Variants in VWDE observed in about 807,000 individuals in gnomAD.
VWDE encodes the protein von Willebrand factor D and EGF domain-containing protein.
A neutral mutation model predicts 178.4 loss-of-function variants in VWDE; 207 were observed. The observed-to-expected ratio is 1.16, with a 90% CI of 1.04 to 1.30. The LOEUF is 1.30. Ranked by LOEUF, VWDE falls within the 50% of genes most tolerant of loss-of-function variation. The pLI is 0.00. For missense variants in VWDE, 2,287 were observed against 1,901.3 expected, an observed-to-expected ratio of 1.20 and a Z score of -3.77; for synonymous variants, 738 against 651.4, an observed-to-expected ratio of 1.13 and a Z score of -2.02.
chr7:12,337,799 TAAG>T (rs1410260125), intron 24 of VWDE, among the ~76,000 whole-genome samples: 1 of 152,190 alleles, frequency 6.6e-6, no homozygotes, highest in African/African-American at 2.4e-5. Flanking sequence ...TTGGTTTTGT[TAAG>T]AATATTTGTT....
Position 12,359,494 on chromosome 7 carries a change from A to C in VWDE, c.3274+84T>G, listed in dbSNP as rs1782452467. 19 of 888,036 alleles carry C rather than the reference A, an allele frequency of 2.1e-5. No individual in the cohort carries two copies. In the South Asian group the frequency reaches 3.3e-4, roughly 15 times the overall value. The allele number at this position is 888,036 out of a possible 1,614,324, so 55.0% of individuals were successfully genotyped here. ...TTAAACACAGAGGTCATTCATCTTA[A>C]ACACATTTACGTAACTTCTGGCTGA... On this transcript the variant is annotated intron_variant, in intron 16 of 28. Coordinates refer to ENST00000275358, the MANE Select transcript of VWDE (RefSeq NM_001135924.3).
At chr7:12,358,263 A>G (rs1782373906) in intron 16 of VWDE, among the ~76,000 whole-genome samples, 1 of 151,838 alleles carries the variant, frequency 6.6e-6, no homozygotes, top group Admixed American at 6.6e-5. Context: ...AATTCCAGCT[A>G]CTTGGGAGGC....
intron 3 of VWDE, chr7:12,388,797 C>A: frequency 4.9e-6 from 2 of 406,148 alleles, no homozygotes; most frequent in Non-Finnish European, 4.8e-6. Context: ...TTTATGATAA[C>A]TTTTACTCAC....
intron 19 of VWDE, among the ~76,000 whole-genome samples, chr7:12,348,958 C>T (rs1017791930): frequency 1.7e-4 from 26 of 151,976 alleles, no homozygotes; most frequent in African/African-American, 6.0e-4. Flanking sequence ...TCATCATTCT[C>T]AGTAAACTAT....
At chr7:12,344,590 C>A in intron 19 of VWDE, 121 bp from the exon 20 acceptor site, 1 of 706,826 alleles carries the variant, frequency 1.4e-6, no homozygotes. Flanking sequence ...AATAGTCCCT[C>A]TAGATAATAC....
rs778312104 is a variant in VWDE at position 12,361,175 on chromosome 7, A to G, written c.3131T>C (p.Leu1044Pro). Residue 1044 changes from leucine (L) to proline (P), a missense_variant, in exon 15 of 29, where the codon CTC (leucine) becomes CCC (proline). Leu to Pro is a moderately conservative substitution (Grantham distance 98). Transcript: ENST00000275358. ...TATAGTACATGAGTCATTTTTATAG[A>G]GACCACAAACTTGGCAAGCACCATC... The part of the protein sequence containing the change: ...IYDGACQVCG[L>P]YKNDSCTIKE... The G allele has an allele frequency of 1.1e-4, 164 of 1,544,252 alleles. No homozygotes were observed. The South Asian group carries it at 1.8e-3, about 17-fold the overall frequency.
chr7:12,332,788 G>A (rs114440810), intron 28 of VWDE, among the ~76,000 whole-genome samples: 2,835 of 152,174 alleles, frequency 0.019, 82 homozygotes, highest in African/African-American at 0.064. Flanking sequence ...AAGCCAAATT[G>A]ATCCATATCA....
In VWDE at chr7:12,369,675, A is replaced by G. The variant is rs988976521; in HGVS notation, c.2631T>C (p.Tyr877=). 14 of 1,551,622 alleles carry G rather than the reference A, an allele frequency of 9.0e-6. No homozygotes were observed. In the African/African-American group the frequency reaches 1.8e-4, roughly 20 times the overall value. The change falls in exon 12 of 29, where the codon TAT becomes TAC. Residue 877 remains tyrosine, a synonymous_variant. Transcript: ENST00000275358. ...AGAGAATGTCTTCAATTGATGTGCC[A>G]TACTCTTCTGTGTTATATTTCCCCT... ...VEEGKYNTEE[Y]GTSIEDILSV...
At chr7:12,397,185 A>T (rs1209361398) in intron 1 of VWDE, among the ~76,000 whole-genome samples, 4 of 152,214 alleles carry the variant, frequency 2.6e-5, no homozygotes, top group African/African-American at 9.7e-5. Context: ...ATAAGGCTAC[A>T]GTAACTAAAC....
rs1429605431 is a variant in VWDE at position 12,380,804 on chromosome 7, C to CA, written c.542-72dup. ...GAGACTGGCTTATGGAAAAAGCACT[C>CA]AAAGACTATAACTCTGTGGTTTATC... On this transcript the variant is annotated intron_variant, in intron 4 of 28. Transcript: ENST00000275358. The CA allele has an allele frequency of 8.0e-6, 12 of 1,500,376 alleles. No individual in the cohort carries two copies. In the African/African-American group the frequency reaches 1.7e-4, roughly 21 times the overall value. 92.9% of individuals were successfully genotyped at this position (1,500,376 alleles called of 1,614,324 possible). A position where few individuals can be genotyped will look rare whatever the true frequency, so the allele number is the denominator to read the frequency against.
At chr7:12,337,649 A>G (rs982345208) in intron 24 of VWDE, among the ~76,000 whole-genome samples, 1 of 152,220 alleles carries the variant, frequency 6.6e-6, no homozygotes, top group Non-Finnish European at 1.5e-5. Context: ...TGGAAATTAG[A>G]CAAATCTCAA....
intron 27 of VWDE, among the ~76,000 whole-genome samples, chr7:12,334,537 T>C (rs1259660508): frequency 6.6e-6 from 1 of 152,234 alleles, no homozygotes; most frequent in Non-Finnish European, 1.5e-5. Context: ...ACCATTCACA[T>C]GATACATATC....
rs1415772889 is a variant in VWDE, at chr7:12,359,686, C to T, written c.3166G>A (p.Val1056Ile). 7 of 1,533,894 alleles carry T rather than the reference C, an allele frequency of 4.6e-6. No homozygotes were observed. The highest frequency in any genetic ancestry group is 1.4e-5 in the African/African-American group (1 of 72,026). Residue 1056 changes from valine (V) to isoleucine (I), a missense_variant, in exon 16 of 29, where the codon GTT (valine) becomes ATT (isoleucine). Coordinates refer to ENST00000275358, the MANE Select transcript of VWDE (RefSeq NM_001135924.3). ...TAGCAGAGTCCATCAATAATGCAAA[C>T]ATTTTCCTAATGGAAAATTTTTAAA... ...KNDSCTIKEN[V>I]CIIDGLCYVE...
In VWDE at chr7:12,389,229, CTT is replaced by C. The variant is rs1329457708; in HGVS notation, c.371_372del (p.Lys124ArgfsTer38). 6.4e-7 allele frequency: 1 copy of C among 1,551,670 alleles called. No homozygotes were observed. Among genetic ancestry groups the C allele is most frequent in the Non-Finnish European group, 8.7e-7 (1 of 1,146,972 alleles). On this transcript the variant is annotated frameshift_variant, in exon 3 of 29. Transcript: ENST00000275358. LOFTEE classifies it high-confidence loss of function. ...ATWQFLFSTT[K>X]DCCLFQIPVS... ...ACTGGGATTTGAAAGAGACAGCAGT[CTT>C]TTGTAGTGCTGAACAAAAACTGCCA...
rs181798662 is a variant in VWDE, at chr7:12,386,280, C to G, written c.476-2679G>C. Among the ~76,000 whole-genome samples the G allele has an allele frequency of 3.3e-5, 5 of 152,254 alleles. No individual in the cohort carries two copies. In the East Asian group the frequency reaches 7.7e-4, roughly 24 times the overall value. Reference sequence around the variant, plus strand: ...GCCACCCAATGAGATTGATGCATCTCTCTGGATTTTCTCCTTCCTAATGAA... The same window carrying G: ...GCCACCCAATGAGATTGATGCATCTGTCTGGATTTTCTCCTTCCTAATGAA... On this transcript the variant is annotated intron_variant, in intron 3 of 28. Transcript: ENST00000275358.
intron 7 of VWDE, among the ~76,000 whole-genome samples, chr7:12,376,534 T>C (rs556259457): frequency 2.0e-5 from 3 of 152,214 alleles, no homozygotes; most frequent in South Asian, 2.1e-4. Flanking sequence ...AGCATGAAAA[T>C]ATATTTTAAA....
In VWDE at chr7:12,351,681, G is replaced by A. The variant is rs1781954491; in HGVS notation, c.3778C>T (p.Gln1260Ter). ...ETQFVNQFTT[Q>*]TVVLTRSDKS... ...TCAGATCTTGTGAGAACCACAGTTT[G>A]TGTAGTAAATTGATTTACAAACTGT... Residue 1260 changes from glutamine to a stop codon, truncating the protein, a stop_gained, in exon 19 of 29, where the codon CAA becomes TAA. Coordinates refer to ENST00000275358, the MANE Select transcript of VWDE (RefSeq NM_001135924.3). LOFTEE classifies it high-confidence loss of function. 6.5e-7 allele frequency: 1 copy of A among 1,547,592 alleles called. No homozygotes were observed. Among genetic ancestry groups the A allele is most frequent in the Admixed American group, 2.0e-5 (1 of 50,526 alleles).
chr7:12,399,304 T>C (rs541060079), intron 1 of VWDE, among the ~76,000 whole-genome samples: 2 of 152,062 alleles, frequency 1.3e-5, no homozygotes, highest in South Asian at 4.2e-4. Flanking sequence ...AAAGAAGAAC[T>C]TGAAACATAA....
chr7:12,333,506 G>T lies in VWDE; in HGVS notation c.4717C>A (p.Arg1573Ser), dbSNP rs764904263. 1.7e-5 allele frequency: 26 copies of T among 1,550,698 alleles called. No homozygotes were observed. In the African/African-American group the frequency reaches 2.6e-4, roughly 16 times the overall value. ...RCIFPNVCSC[R>S]TEYSGVKCEK... is the part of the protein sequence containing the mutation. Reference sequence around the variant, plus strand: ...CATTTGACTCCAGAGTATTCAGTGCGGCAGGAACACACATTGGGAAATATG... The same window carrying T: ...CATTTGACTCCAGAGTATTCAGTGCTGCAGGAACACACATTGGGAAATATG... The change falls in exon 28 of 29, where the codon CGC becomes AGC. Residue 1573 changes from arginine to serine, a missense_variant. Arg to Ser is a moderately radical substitution (Grantham distance 110). Transcript: ENST00000275358.
Sources: allele counts gnomAD v4.1 joint callset (sites outside exome capture counted in the v4.1 genomes callset), GRCh38; gene constraint gnomAD v4.1.1; transcripts MANE v1.5; gene names NCBI Gene and HGNC (gene_info 2026-07-23, HGNC 2026-07-21).